The following SYNE2 variants were observed in gnomAD, a reference collection of about 807,000 sequenced individuals.
SYNE2 encodes the protein nesprin-2.
A neutral mutation model predicts 856.3 loss-of-function variants in SYNE2; 431 were observed. The ratio of observed to expected loss-of-function variants is 0.50; its 90% CI spans 0.47 to 0.55. SYNE2 has a LOEUF of 0.55. Among genes scored for constraint, SYNE2 ranks in the 20% least tolerant of loss-of-function variants. SYNE2 has a pLI of 0.00. For missense variants in SYNE2, 8,129 were observed against 8,023.2 expected, an observed-to-expected ratio of 1.01 and a Z score of -0.50; for synonymous variants, 2,923 against 2,872.3, an observed-to-expected ratio of 1.02 and a Z score of -0.56.
intron 78 of SYNE2, among the ~76,000 whole-genome samples, chr14:64,134,539 C>T (rs1487190156): frequency 5.3e-5 from 8 of 152,168 alleles, no homozygotes; most frequent in Non-Finnish European, 8.8e-5. Flanking sequence ...CAGTGAGCTA[C>T]TAGTATGGAA....
chr14:64,129,665 T>A, intron 74 of SYNE2, 117 bp from the exon 75 acceptor site: 1 of 1,455,514 alleles, frequency 6.9e-7, no homozygotes. Flanking sequence ...GAGCGGGAGC[T>A]GGGATTTTTG....
chr14:64,045,681 C>G (rs909939820), intron 45 of SYNE2, among the ~76,000 whole-genome samples: 10 of 152,196 alleles, frequency 6.6e-5, no homozygotes, highest in African/African-American at 1.9e-4. Flanking sequence ...AGGAAGTTTA[C>G]AAAATTATTT....
At chr14:64,155,838 G>A (rs778248733) in intron 85 of SYNE2, among the ~76,000 whole-genome samples, 1 of 152,218 alleles carries the variant, frequency 6.6e-6, no homozygotes, top group Non-Finnish European at 1.5e-5. Context: ...CGAGATGGGA[G>A]GATTACTTGA....
chr14:64,072,373 C>T (rs1242278820), intron 52 of SYNE2, among the ~76,000 whole-genome samples: 1 of 152,150 alleles, frequency 6.6e-6, no homozygotes, highest in Non-Finnish European at 1.5e-5. Context: ...CAGCAGACAC[C>T]AATTCATTTC....
At chr14:63,880,708 T>C (rs2094840570) in intron 1 of SYNE2, among the ~76,000 whole-genome samples, 1 of 150,732 alleles carries the variant, frequency 6.6e-6, no homozygotes, top group Non-Finnish European at 1.5e-5. Flanking sequence ...GGTCTCACTC[T>C]GGTGCCCAGG....
chr14:63,864,676 T>C (rs934399954), intron 1 of SYNE2, among the ~76,000 whole-genome samples: 1 of 152,250 alleles, frequency 6.6e-6, no homozygotes, highest in Non-Finnish European at 1.5e-5. Context: ...TTGAATTCTT[T>C]TTTTATCTCT....
chr14:64,036,423 T>G (rs973412971), intron 45 of SYNE2, among the ~76,000 whole-genome samples: 4 of 152,100 alleles, frequency 2.6e-5, no homozygotes, highest in Non-Finnish European at 5.9e-5. Flanking sequence ...GTCGCTGGGA[T>G]CACAGGTGTG....
chr14:63,799,683 ACT>A (rs1460145470), intron 1 of SYNE2, among the ~76,000 whole-genome samples: 2 of 152,084 alleles, frequency 1.3e-5, no homozygotes, highest in Admixed American at 6.5e-5. Flanking sequence ...ACAGAGAGAG[ACT>A]CTGTCTCAAA....
chr14:64,220,715 C>A (rs2098690386), intron 111 of SYNE2, 78 bp downstream of exon 111: 3 of 1,514,730 alleles, frequency 2.0e-6, no homozygotes, highest in Non-Finnish European at 2.7e-6. Flanking sequence ...TTTTTATCAT[C>A]ATCAGGCTGC....
In SYNE2 at chr14:64,162,119, A is replaced by G; in HGVS notation, c.16142A>G (p.Gln5381Arg). The change falls in exon 88 of 116, where the codon CAG (glutamine) becomes CGG (arginine). Residue 5381 changes from glutamine (Q) to arginine (R), a missense_variant. By Grantham distance (43) the Gln-to-Arg change is conservative. This residue lies in a region of SYNE2 where 5,410 missense variants were observed against 5,284.8 expected (regional missense o/e 1.02). Transcript: ENST00000555002. ...ATTGCAGACCAGTTGCAGAAGGCCCAGAGTCTGCTCCAGCTCTGGAAGGCC... is the reference window on the plus strand; with the variant it reads ...ATTGCAGACCAGTTGCAGAAGGCCCGGAGTCTGCTCCAGCTCTGGAAGGCC... The part of the protein sequence containing the change: ...QAIADQLQKA[Q>R]SLLQLWKAYS... 1.2e-6 allele frequency: 2 copies of G among 1,614,236 alleles called. No individual in the cohort carries two copies. The highest frequency in any genetic ancestry group is 2.2e-5 in the South Asian group (2 of 91,088).
chr14:63,959,587 G>A (rs752561752), intron 8 of SYNE2, among the ~76,000 whole-genome samples: 8 of 152,054 alleles, frequency 5.3e-5, no homozygotes, highest in Admixed American at 3.9e-4. Context: ...TTAAGCCACC[G>A]TACGTGGCCT....
At chr14:64,120,547 T>A (rs2097890352) in intron 67 of SYNE2, among the ~76,000 whole-genome samples, 1 of 152,168 alleles carries the variant, frequency 6.6e-6, no homozygotes, top group African/African-American at 2.4e-5. Context: ...GCAGATCACC[T>A]GAGGTCAGGA....
At chr14:63,837,774 C>T (rs1418735359) in intron 1 of SYNE2, among the ~76,000 whole-genome samples, 3 of 151,708 alleles carry the variant, frequency 2.0e-5, no homozygotes, top group Non-Finnish European at 4.4e-5. Context: ...TAAAAATTAG[C>T]TCAGTATATT....
At chr14:63,934,923 G>A (rs942949734) in intron 2 of SYNE2, among the ~76,000 whole-genome samples, 5 of 151,950 alleles carry the variant, frequency 3.3e-5, no homozygotes, top group South Asian at 2.1e-4. Flanking sequence ...ATGTGACCCC[G>A]ATTAGTGTAC....
rs376513394 is a variant in SYNE2, at chr14:63,909,110, A to G, written c.-39A>G. ...ATTTCACTTTCAGTTCACTTCTTCA[A>G]CTGAGATGGACATGATATAATCTCC... On this transcript the variant is annotated 5_prime_UTR_variant, in exon 2 of 116. Transcript: ENST00000555002. 32 of 1,397,730 alleles carry G rather than the reference A, an allele frequency of 2.3e-5. No homozygotes were observed. The Middle Eastern group carries it at 5.3e-4, about 23-fold the overall frequency. 86.6% of individuals were successfully genotyped at this position (1,397,730 alleles called of 1,614,324 possible). A position where few individuals can be genotyped will look rare whatever the true frequency, so the allele number is the denominator to read the frequency against.
chr14:63,897,323 G>T (rs1950393002), intron 1 of SYNE2, among the ~76,000 whole-genome samples: 1 of 152,156 alleles, frequency 6.6e-6, no homozygotes, highest in Non-Finnish European at 1.5e-5. Context: ...TCTATCCTTT[G>T]TGCTGGCTCG....
At chr14:63,836,537 C>G (rs1889864172) in intron 1 of SYNE2, among the ~76,000 whole-genome samples, 1 of 152,076 alleles carries the variant, frequency 6.6e-6, no homozygotes, top group East Asian at 1.9e-4. Flanking sequence ...TACTTATTTT[C>G]TTTTCATTCT....
chr14:63,969,767 GATAATTTTCACAT>G (rs915167854), intron 11 of SYNE2, among the ~76,000 whole-genome samples: 3 of 152,072 alleles, frequency 2.0e-5, no homozygotes, highest in Non-Finnish European at 4.4e-5. Context: ...TAAGGTGGTT[GATAATTTTCACAT>G]ATAATGTTCA....
chr14:63,876,518 C>T (rs533156687), intron 1 of SYNE2, among the ~76,000 whole-genome samples: 122 of 145,672 alleles, frequency 8.4e-4, no homozygotes, highest in Middle Eastern at 7.5e-3. Flanking sequence ...GACCGAGTCT[C>T]GCTCTGTTGC....
Sources: gnomAD v4.1 joint callset for allele counts (sites outside exome capture counted in the v4.1 genomes callset) on GRCh38, gnomAD v4.1.1 for gene constraint, gnomAD v4.1.1 regional missense constraint, MANE v1.5 for transcripts, NCBI Gene and HGNC (gene_info 2026-07-23, HGNC 2026-07-21) for gene names.